Variants in COL5A2 observed in about 807,000 individuals in gnomAD.
COL5A2 encodes collagen alpha-2(V) chain.
In COL5A2, 23 loss-of-function variants were observed where a neutral mutation model predicts 208.2. That is an observed-to-expected ratio of 0.11 (90% CI 0.08 to 0.16). The LOEUF (loss-of-function observed/expected upper bound fraction) is 0.16, where lower values mean the gene tolerates loss of function less well. Ranked by LOEUF, COL5A2 falls within the 10% of genes least tolerant of loss-of-function variation. COL5A2 has a pLI of 1.00. For synonymous variants in COL5A2, 625 were observed against 628.5 expected, an observed-to-expected ratio of 0.99 and a Z score of 0.08; for missense variants, 1,590 against 1,956.4, an observed-to-expected ratio of 0.81 and a Z score of 3.53.
chr2:189,235,782 C>T, the COL5A2 span, among the ~76,000 whole-genome samples: 4 of 151,766 alleles, frequency 2.6e-5, no homozygotes, highest in South Asian at 8.3e-4. Flanking sequence ...GTTAACATAG[C>T]AGGCCATACT....
chr2:189,369,493 T>G, the COL5A2 span, among the ~76,000 whole-genome samples: 2 of 152,150 alleles, frequency 1.3e-5, no homozygotes, highest in African/African-American at 2.4e-5. Context: ...ATCTTTTAAC[T>G]GAGGGAGTTT....
At chr2:189,423,513 A>T in the COL5A2 span, among the ~76,000 whole-genome samples, 2 of 152,162 alleles carry the variant, frequency 1.3e-5, no homozygotes, top group South Asian at 4.1e-4. Flanking sequence ...AAGAAAACAA[A>T]AATAAAATTA....
At chr2:189,132,867 G>A (rs1253842271) in intron 1 of COL5A2, among the ~76,000 whole-genome samples, 3 of 151,750 alleles carry the variant, frequency 2.0e-5, no homozygotes, top group Non-Finnish European at 4.4e-5. Context: ...ATTGCAGCGA[G>A]CTGAGATCGC....
the COL5A2 span, among the ~76,000 whole-genome samples, chr2:189,330,216 G>C: frequency 2.0e-5 from 3 of 152,092 alleles, no homozygotes; most frequent in African/African-American, 7.2e-5. Context: ...ACTGAGATTT[G>C]ACCAAGTACA....
chr2:189,432,882 T>A, the COL5A2 span, among the ~76,000 whole-genome samples: 1 of 152,200 alleles, frequency 6.6e-6, no homozygotes, highest in South Asian at 2.1e-4. Flanking sequence ...ATATACATTA[T>A]TCTCTGCGCC....
chr2:189,209,532 T>C (rs999244386), intron 1 of COL5A2, among the ~76,000 whole-genome samples: 6 of 152,216 alleles, frequency 3.9e-5, no homozygotes, highest in African/African-American at 1.4e-4. Context: ...TTTCAAGTAA[T>C]GAGCCCCAGG....
chr2:189,045,204 C>A lies in COL5A2; in HGVS notation c.3338G>T (p.Gly1113Val), dbSNP rs981465775. 1.9e-6 allele frequency: 3 copies of A among 1,606,578 alleles called. No individual in the cohort carries two copies. The highest frequency in any genetic ancestry group is 1.7e-5 in the Admixed American group (1 of 58,992). Residue 1113 changes from glycine (G) to valine (V), a missense_variant, in exon 47 of 54, where the codon GGT (glycine) becomes GTT (valine). By Grantham distance (109) the Gly-to-Val change is moderately radical. Transcript: ENST00000374866. ...PGSRGPIGPPGRAGKRGLPGP... is the reference protein window; with the variant it reads ...PGSRGPIGPPVRAGKRGLPGP... ...AGGTAATCCACGTTTCCCAGCTCGA[C>A]CAGGTGGTCCTATAGGACCCCGAGA...
chr2:189,361,692 T>G, the COL5A2 span, among the ~76,000 whole-genome samples: 1 of 152,144 alleles, frequency 6.6e-6, no homozygotes, highest in Non-Finnish European at 1.5e-5. Flanking sequence ...TTCTTTCTCT[T>G]TTCCTCTTTT....
chr2:189,331,230 G>A, the COL5A2 span, among the ~76,000 whole-genome samples: 2 of 152,028 alleles, frequency 1.3e-5, no homozygotes, highest in Admixed American at 6.6e-5. Flanking sequence ...CAGTGAAGTT[G>A]AAACAAAAAA....
the COL5A2 span, among the ~76,000 whole-genome samples, chr2:189,319,196 T>C: frequency 1.3e-5 from 2 of 152,362 alleles, no homozygotes; most frequent in East Asian, 1.9e-4. Flanking sequence ...GACTGCAAGA[T>C]GGCCGAATAG....
At chr2:189,174,269 G>A (rs1207422462) in intron 1 of COL5A2, among the ~76,000 whole-genome samples, 2 of 152,192 alleles carry the variant, frequency 1.3e-5, no homozygotes, top group South Asian at 4.1e-4. Context: ...TAAGAGAGAG[G>A]AAATATTGAA....
At chr2:189,372,711 A>C in the COL5A2 span, among the ~76,000 whole-genome samples, 20 of 152,252 alleles carry the variant, frequency 1.3e-4, no homozygotes, top group South Asian at 3.1e-3. Context: ...AGCATATATA[A>C]CTCACATACT....
At chr2:189,267,056 T>G in the COL5A2 span, among the ~76,000 whole-genome samples, 1 of 152,030 alleles carries the variant, frequency 6.6e-6, no homozygotes, top group South Asian at 2.1e-4. Flanking sequence ...AACAAGAATA[T>G]ATAATACAAT....
intron 1 of COL5A2, among the ~76,000 whole-genome samples, chr2:189,132,125 G>A (rs901071325): frequency 1.3e-5 from 2 of 152,166 alleles, no homozygotes; most frequent in African/African-American, 4.8e-5. Context: ...ATTAAACATA[G>A]TCATGGCAAA....
chr2:189,060,853 T>C, intron 30 of COL5A2, 70 bp from the exon 31 acceptor site: 1 of 1,120,308 alleles, frequency 8.9e-7, no homozygotes, highest in Non-Finnish European at 1.4e-6. Context: ...GTTAACAGTT[T>C]ACCTTTTACA....
At chr2:189,106,960 T>C (rs1337139790) in intron 2 of COL5A2, among the ~76,000 whole-genome samples, 6 of 151,462 alleles carry the variant, frequency 4.0e-5, no homozygotes, top group Admixed American at 4.0e-4. Context: ...ACTCTCTTAA[T>C]ATGCTAATAG....
chr2:189,424,126 G>A, the COL5A2 span, among the ~76,000 whole-genome samples: 115 of 152,056 alleles, frequency 7.6e-4, no homozygotes, highest in African/African-American at 2.7e-3. Flanking sequence ...TTCAGAAAAA[G>A]CACTTGACAA....
At chr2:189,074,168 C>G (rs1467106392) in intron 17 of COL5A2, among the ~76,000 whole-genome samples, 1 of 152,142 alleles carries the variant, frequency 6.6e-6, no homozygotes, top group African/African-American at 2.4e-5. Context: ...TCATCATCCA[C>G]ATTACCTGGA....
At chr2:189,292,153 T>C in the COL5A2 span, among the ~76,000 whole-genome samples, 1 of 152,230 alleles carries the variant, frequency 6.6e-6, no homozygotes, top group Non-Finnish European at 1.5e-5. Flanking sequence ...ACTAATTTGA[T>C]ATCATTGTCA....
Sources: gnomAD v4.1 joint callset for allele counts (sites outside exome capture counted in the v4.1 genomes callset) on GRCh38, gnomAD v4.1.1 for gene constraint, MANE v1.5 for transcripts, NCBI Gene and HGNC (gene_info 2026-07-23, HGNC 2026-07-21) for gene names.